The following TGFB1 variants were observed in gnomAD, a reference collection of about 807,000 sequenced individuals.
TGFB1 encodes the protein transforming growth factor beta-1 proprotein.
TGFB1 carries 19 observed loss-of-function variants against 43.8 expected under a neutral mutation model. The ratio of observed to expected loss-of-function variants is 0.43; its 90% CI spans 0.30 to 0.64. TGFB1 has a LOEUF of 0.64. Ranked by LOEUF, TGFB1 falls within the 30% of genes least tolerant of loss-of-function variation. TGFB1 has a pLI of 0.11. For synonymous variants in TGFB1, 221 were observed against 236.3 expected, an observed-to-expected ratio of 0.94 and a Z score of 0.60; for missense variants, 445 against 529.8, an observed-to-expected ratio of 0.84 and a Z score of 1.57.
chr19:41,345,865 G>T (rs1209484225), intron 2 of TGFB1, among the ~76,000 whole-genome samples: 1 of 151,724 alleles, frequency 6.6e-6, no homozygotes, highest in Non-Finnish European at 1.5e-5. Context: ...TTGCACCACT[G>T]CACTCTAGCC....
At chr19:41,352,451 ACTC>A (rs910048946) in intron 1 of TGFB1, among the ~76,000 whole-genome samples, 16 of 144,322 alleles carry the variant, frequency 1.1e-4, no homozygotes, top group African/African-American at 4.1e-4. Flanking sequence ...TTTCTGTCGC[ACTC>A]TAGAAGCGGT....
At chr19:41,344,967 T>C (rs1443765567) in intron 2 of TGFB1, 103 bp from the exon 3 acceptor site, 2 of 1,114,922 alleles carry the variant, frequency 1.8e-6, no homozygotes, top group Non-Finnish European at 2.7e-6. Context: ...CAAACAGGCT[T>C]CCAGAAAGTT....
intron 5 of TGFB1, among the ~76,000 whole-genome samples, chr19:41,335,604 T>C (rs2037980079): frequency 6.6e-6 from 1 of 152,188 alleles, no homozygotes; most frequent in South Asian, 2.1e-4. Context: ...ATCCTCTGAC[T>C]CATTTTTTCA....
chr19:41,344,075 C>T (rs2038088871), intron 3 of TGFB1, among the ~76,000 whole-genome samples: 1 of 151,216 alleles, frequency 6.6e-6, no homozygotes, highest in South Asian at 2.1e-4. Flanking sequence ...CTCGACCTCC[C>T]AGGCTCAGGT....
intron 1 of TGFB1, 132 bp from the exon 2 acceptor site, chr19:41,348,587 A>G (rs1209554736): frequency 7.9e-6 from 2 of 254,224 alleles, no homozygotes; most frequent in Non-Finnish European, 1.3e-5. Context: ...TTATTTATTT[A>G]TTTATTTATT....
intron 1 of TGFB1, chr19:41,351,134 G>T: frequency 6.6e-6 from 1 of 152,634 alleles, no homozygotes. Flanking sequence ...CATTTGTTGG[G>T]GAGAAGAGGA....
intron 5 of TGFB1, among the ~76,000 whole-genome samples, chr19:41,333,298 C>T (rs1306305238): frequency 3.3e-5 from 5 of 149,634 alleles, no homozygotes; most frequent in Non-Finnish European, 5.9e-5. Flanking sequence ...CTGCAACCTC[C>T]GCCTCCCAGG....
Position 41,331,509 on chromosome 19 carries a change from C to T in TGFB1, c.1015-299G>A, listed in dbSNP as rs1446301579. ...CCTCAACCTCCTGAGCGCAAGCCAT[C>T]CTCCCGCCTCAGCCTCCGGAGTAGC... On this transcript the variant is annotated intron_variant, in intron 6 of 6. Transcript: ENST00000221930. Among the ~76,000 whole-genome samples the T allele has an allele frequency of 2.6e-5, 4 of 151,578 alleles. No individual in the cohort carries two copies. In the East Asian group the frequency reaches 7.8e-4, roughly 29 times the overall value.
At chr19:41,334,007 A>T (rs2037962525) in intron 5 of TGFB1, among the ~76,000 whole-genome samples, 1 of 152,264 alleles carries the variant, frequency 6.6e-6, no homozygotes, top group Admixed American at 6.5e-5. Context: ...AATTTAAATC[A>T]GAATAGGAAA....
Position 41,352,937 on chromosome 19 carries a change from G to A in TGFB1, c.108C>T (p.Ile36=), listed in dbSNP as rs551552217. The A allele has an allele frequency of 6.4e-7, 1 of 1,554,580 alleles. No homozygotes were observed. The highest frequency in any genetic ancestry group is 1.2e-5 in the South Asian group (1 of 85,226). Residue 36 remains isoleucine (I), a synonymous_variant, in exon 1 of 7, where the codon ATC becomes ATT. Transcript: ENST00000221930. The part of the protein sequence containing the change: ...PAAGLSTCKT[I]DMELVKRKRI... ...GCTTCCGCTTCACCAGCTCCATGTC[G>A]ATAGTCTTGCAGGTGGATAGTCCCG... is the stretch of plus-strand genomic sequence containing the variant.
At position 41,353,058 on chromosome 19, in the gene TGFB1, C is replaced by T. The variant is rs9282871; in HGVS notation, c.-14G>A. The T allele has an allele frequency of 2.4e-3, 3,656 of 1,512,358 alleles. 79 individuals are homozygous for T. The African/African-American group carries it at 0.045, about 19-fold the overall frequency. The allele number at this position is 1,512,358 out of a possible 1,614,324, so 93.7% of individuals were successfully genotyped here. ...GGAGGGCGGCATGGGGGAGGCGGCG[C>T]CCCCCGGCACTGCCGAGAGCGCGAA... is the stretch of plus-strand genomic sequence containing the variant. On this transcript the variant is annotated 5_prime_UTR_variant, in exon 1 of 7. Transcript: ENST00000221930. The surrounding 1 kb of genome is among the most constrained non-coding windows in gnomAD (Gnocchi z 5.9).
At chr19:41,336,536 C>T (rs1345703109) in intron 5 of TGFB1, among the ~76,000 whole-genome samples, 1 of 151,692 alleles carries the variant, frequency 6.6e-6, no homozygotes, top group Non-Finnish European at 1.5e-5. Flanking sequence ...AAGGTACACA[C>T]CACCAGGCCC....
Position 41,340,508 on chromosome 19 carries a change from C to T in TGFB1, c.860+1375G>A, listed in dbSNP as rs545466447. Among the ~76,000 whole-genome samples the T allele has an allele frequency of 1.4e-3, 217 of 152,170 alleles. 1 individual carries two copies. The highest frequency in any genetic ancestry group is 5.1e-3 in the African/African-American group (210 of 41,508). On this transcript the variant is annotated intron_variant, in intron 5 of 6. Coordinates refer to ENST00000221930, the MANE Select transcript of TGFB1 (RefSeq NM_000660.7). ...TGTTGGCCAGGCTGGTCTTGAACTCCAGACCTCAGGGATCCGCCCACCTCA... is the reference window on the plus strand; with the variant it reads ...TGTTGGCCAGGCTGGTCTTGAACTCTAGACCTCAGGGATCCGCCCACCTCA...
In TGFB1 at chr19:41,330,885, C is replaced by A. The variant is rs529010133; in HGVS notation, c.*167G>T. On this transcript the variant is annotated 3_prime_UTR_variant, in exon 7 of 7. Transcript: ENST00000221930. ...GAACGTCAGGGATGGAGACCCCAGG[C>A]AGGCGCCCAATGACACAGAGATCCG... 6.9e-5 allele frequency: 39 copies of A among 568,234 alleles called. No individual in the cohort carries two copies. In the East Asian group the frequency reaches 1.3e-3, roughly 19 times the overall value. 35.2% of individuals were successfully genotyped at this position (568,234 alleles called of 1,614,324 possible).
In TGFB1 at chr19:41,348,309, C is replaced by A. The variant is rs1301240679; in HGVS notation, c.502G>T (p.Val168Leu). 1 of 1,612,952 alleles carries A rather than the reference C, an allele frequency of 6.2e-7. No individual in the cohort carries two copies. Among genetic ancestry groups the A allele is most frequent in the Non-Finnish European group, 8.5e-7 (1 of 1,179,686 alleles). ...LRLKLKVEQH[V>L]ELYQKYSNNS... ...CATGTCCTCACCTGGTACAGCTCCACGTGCTGCTCCACTTTTAACTTGAGC... is the reference window on the plus strand; with the variant it reads ...CATGTCCTCACCTGGTACAGCTCCAAGTGCTGCTCCACTTTTAACTTGAGC... The change falls in exon 2 of 7, where the codon GTG (valine) becomes TTG (leucine). Residue 168 changes from valine (V) to leucine (L), a missense_variant. Val to Leu is a conservative substitution (Grantham distance 32, BLOSUM62 1). This residue lies in a region of TGFB1 where 366 missense variants were observed against 428.8 expected (regional missense o/e 0.85). Transcript: ENST00000221930.
In TGFB1 at chr19:41,348,331, G is replaced by A. The variant is rs2038140862; in HGVS notation, c.480C>T (p.Leu160=). 1 of 1,613,348 alleles carries A rather than the reference G, an allele frequency of 6.2e-7. No individual in the cohort carries two copies. Among genetic ancestry groups the A allele is most frequent in the Admixed American group, 1.7e-5 (1 of 59,936 alleles). ...CCACGTGCTGCTCCACTTTTAACTT[G>A]AGCCTCAGCAGACGCAGCTCTGCCC... ...LSRAELRLLR[L]KLKVEQHVEL... Residue 160 remains leucine, a synonymous_variant, in exon 2 of 7, where the codon CTC becomes CTT. Coordinates refer to ENST00000221930, the MANE Select transcript of TGFB1 (RefSeq NM_000660.7).
intron 5 of TGFB1, among the ~76,000 whole-genome samples, chr19:41,341,438 G>C (rs2038053483): frequency 2.3e-5 from 3 of 129,544 alleles, no homozygotes; most frequent in African/African-American, 8.9e-5. Context: ...CTGCACTCCA[G>C]CCCAGGTGAC....
intron 6 of TGFB1, among the ~76,000 whole-genome samples, chr19:41,331,796 C>T (rs1294693002): frequency 6.6e-6 from 1 of 151,606 alleles, no homozygotes; most frequent in African/African-American, 2.4e-5. Context: ...CTTGGCCTAA[C>T]TCTGTGTCTG....
intron 5 of TGFB1, among the ~76,000 whole-genome samples, chr19:41,338,799 A>C (rs1216358331): frequency 6.6e-6 from 1 of 151,690 alleles, no homozygotes; most frequent in Non-Finnish European, 1.5e-5. Context: ...AGACCGCACC[A>C]CTGCACTCCA....
Sources: gnomAD v4.1 joint callset for allele counts (sites outside exome capture counted in the v4.1 genomes callset) on GRCh38, gnomAD v4.1.1 for gene constraint, gnomAD v4.1.1 regional missense constraint, Gnocchi (gnomAD v3.1) non-coding constraint, MANE v1.5 for transcripts, NCBI Gene and HGNC (gene_info 2026-07-23, HGNC 2026-07-21) for gene names.